Variants in LAPTM5 observed in about 807,000 individuals in gnomAD.
LAPTM5 encodes lysosomal-associated transmembrane protein 5.
In LAPTM5, 11 loss-of-function variants were observed where a neutral mutation model predicts 30.1. The ratio of observed to expected loss-of-function variants is 0.37; its 90% CI spans 0.23 to 0.60. The LOEUF (loss-of-function observed/expected upper bound fraction) is 0.60. Among genes scored for constraint, LAPTM5 ranks in the 20% least tolerant of loss-of-function variants. LAPTM5 has a pLI of 0.71. For missense variants in LAPTM5, 324 were observed against 332.5 expected, an observed-to-expected ratio of 0.97 and a Z score of 0.20; for synonymous variants, 151 against 137.9, an observed-to-expected ratio of 1.10 and a Z score of -0.67.
intron 6 of LAPTM5, 105 bp from the exon 7 acceptor site, chr1:30,735,370 C>T: frequency 1.1e-6 from 1 of 877,638 alleles, no homozygotes; most frequent in Non-Finnish European, 1.9e-6. Context: ...CTCCAGAAGC[C>T]AGCATCCAGC....
Position 30,745,611 on chromosome 1 carries a change from A to C in LAPTM5, c.88-3062T>G, listed in dbSNP as rs986806640. ...GCCGGATGGCTCACGAGACTCATAG[A>C]GGGCAGGGGACCAGCCCACAGTCAC... On this transcript the variant is annotated intron_variant, in intron 1 of 7. Coordinates refer to ENST00000294507, the MANE Select transcript of LAPTM5 (RefSeq NM_006762.3). Among the ~76,000 whole-genome samples, 2 of 152,340 alleles carry C rather than the reference A, an allele frequency of 1.3e-5. 1 individual carries two copies. Among genetic ancestry groups the C allele is most frequent in the South Asian group, 4.1e-4 (2 of 4,832 alleles).
intron 1 of LAPTM5, among the ~76,000 whole-genome samples, chr1:30,744,928 T>A (rs1046135083): frequency 1.3e-5 from 2 of 152,192 alleles, no homozygotes; most frequent in Non-Finnish European, 2.9e-5. Flanking sequence ...ATAAAACAGC[T>A]ACTAAAAAAT....
chr1:30,748,708 C>G (rs1640085028), intron 1 of LAPTM5, among the ~76,000 whole-genome samples: 1 of 152,376 alleles, frequency 6.6e-6, no homozygotes, highest in South Asian at 2.1e-4. Flanking sequence ...AGCAGCCCGG[C>G]CTGGCTGCCT....
intron 3 of LAPTM5, among the ~76,000 whole-genome samples, chr1:30,741,196 C>T (rs1639965934): frequency 6.6e-6 from 1 of 152,216 alleles, no homozygotes; most frequent in East Asian, 1.9e-4. Flanking sequence ...GTGCTGGCTC[C>T]TGTCACTGCA....
At position 30,749,187 on chromosome 1, in the gene LAPTM5, C is replaced by T. The variant is rs76444650; in HGVS notation, c.88-6638G>A. Among the ~76,000 whole-genome samples the T allele has an allele frequency of 1.6e-3, 249 of 152,292 alleles. 5 individuals are homozygous for T. In the East Asian group the frequency reaches 0.035, roughly 22 times the overall value. On this transcript the variant is annotated intron_variant, in intron 1 of 7. Coordinates refer to ENST00000294507, the MANE Select transcript of LAPTM5 (RefSeq NM_006762.3). ...CAATGGAAAAAATGAGTTAGCTACC[C>T]GCAACCACACAGACGAAGCTCCCAA...
intron 6 of LAPTM5, among the ~76,000 whole-genome samples, chr1:30,736,263 A>G (rs1408840227): frequency 6.6e-6 from 1 of 152,154 alleles, no homozygotes; most frequent in Non-Finnish European, 1.5e-5. Context: ...AGGTGACAGC[A>G]GAGACTGCCC....
At chr1:30,757,619 C>A in intron 1 of LAPTM5, 40 bp downstream of exon 1, 1 of 1,597,874 alleles carries the variant, frequency 6.3e-7, no homozygotes, top group East Asian at 2.2e-5. Flanking sequence ...CACACTCACA[C>A]AAGCACGCAC....
chr1:30,740,526 A>G (rs1195289569), intron 3 of LAPTM5, among the ~76,000 whole-genome samples: 1 of 151,910 alleles, frequency 6.6e-6, no homozygotes, highest in East Asian at 1.9e-4. Flanking sequence ...CTCTTCTTCA[A>G]TTGAAAGCAA....
intron 1 of LAPTM5, among the ~76,000 whole-genome samples, chr1:30,749,838 G>A (rs1230224782): frequency 2.6e-5 from 4 of 152,200 alleles, no homozygotes; most frequent in African/African-American, 4.8e-5. Flanking sequence ...GTGATTTGGC[G>A]TCATCCATGT....
At chr1:30,744,488 GA>G (rs1017045878) in intron 1 of LAPTM5, among the ~76,000 whole-genome samples, 24 of 152,294 alleles carry the variant, frequency 1.6e-4, no homozygotes, top group Admixed American at 1.4e-3. Context: ...TGGGCTTAGA[GA>G]AGGACCATGA....
intron 1 of LAPTM5, among the ~76,000 whole-genome samples, chr1:30,752,482 C>T (rs936159385): frequency 6.6e-6 from 1 of 152,302 alleles, no homozygotes; most frequent in South Asian, 2.1e-4. Flanking sequence ...GGGTCCTTCC[C>T]CTCCAAGCCT....
At chr1:30,734,490 AT>A (rs1639859536) in intron 7 of LAPTM5, among the ~76,000 whole-genome samples, 1 of 152,200 alleles carries the variant, frequency 6.6e-6, no homozygotes, top group African/African-American at 2.4e-5. Context: ...ACGAGATCAT[AT>A]CCTGATGTCA....
At chr1:30,754,773 A>G (rs973001991) in intron 1 of LAPTM5, among the ~76,000 whole-genome samples, 3 of 152,152 alleles carry the variant, frequency 2.0e-5, no homozygotes, top group Non-Finnish European at 4.4e-5. Flanking sequence ...TCATGACTCA[A>G]TAGAGCGTGG....
intron 1 of LAPTM5, among the ~76,000 whole-genome samples, chr1:30,751,853 C>T (rs1361044633): frequency 6.6e-6 from 1 of 152,218 alleles, no homozygotes. Context: ...ACTTTTGAGG[C>T]AGGGACCACT....
intron 6 of LAPTM5, 99 bp downstream of exon 6, chr1:30,737,505 G>A: frequency 1.3e-6 from 1 of 771,648 alleles, no homozygotes; most frequent in Non-Finnish European, 2.2e-6. Context: ...AGGCATGGAG[G>A]ACACATGTCC....
At chr1:30,740,063 G>T in intron 3 of LAPTM5, 126 bp from the exon 4 acceptor site, 2 of 1,082,712 alleles carry the variant, frequency 1.8e-6, no homozygotes, top group Non-Finnish European at 2.5e-6. Context: ...CCTCAGTTGA[G>T]GTCACCTCCC....
At chr1:30,742,379 A>T in intron 2 of LAPTM5, 77 bp downstream of exon 2, 1 of 1,030,004 alleles carries the variant, frequency 9.7e-7, no homozygotes, top group Non-Finnish European at 1.5e-6. Context: ...TGCCTCCAAC[A>T]CTAGCCTGGC....
intron 1 of LAPTM5, among the ~76,000 whole-genome samples, chr1:30,754,259 C>T (rs929447027): frequency 1.3e-5 from 2 of 152,018 alleles, no homozygotes; most frequent in Admixed American, 6.5e-5. Flanking sequence ...AGACTGGGCT[C>T]GGTGGCTCAT....
intron 1 of LAPTM5, among the ~76,000 whole-genome samples, chr1:30,747,766 G>A (rs1184730366): frequency 2.6e-5 from 4 of 152,126 alleles, no homozygotes; most frequent in East Asian, 1.9e-4. Context: ...TAAGGATGGC[G>A]GTACCAGAGG....
Sources: gnomAD v4.1 joint callset for allele counts (sites outside exome capture counted in the v4.1 genomes callset) on GRCh38, gnomAD v4.1.1 for gene constraint, MANE v1.5 for transcripts, NCBI Gene and HGNC (gene_info 2026-07-23, HGNC 2026-07-21) for gene names.